Variants in HS3ST4 observed in about 807,000 individuals in gnomAD.
HS3ST4 encodes heparan sulfate glucosamine 3-O-sulfotransferase 4.
HS3ST4 carries 17 observed loss-of-function variants against 29.2 expected under a neutral mutation model. The observed-to-expected ratio is 0.58, with a 90% confidence interval of 0.40 to 0.87. The LOEUF is 0.87. Ranked by LOEUF, HS3ST4 falls within the 40% of genes least tolerant of loss-of-function variation. HS3ST4 has a pLI of 0.00. For missense variants in HS3ST4, 627 were observed against 634.5 expected, an observed-to-expected ratio of 0.99 and a Z score of 0.13; for synonymous variants, 314 against 285.7, an observed-to-expected ratio of 1.10 and a Z score of -1.00.
At chr16:25,930,465 C>G (rs1419915813) in intron 1 of HS3ST4, among the ~76,000 whole-genome samples, 1 of 152,228 alleles carries the variant, frequency 6.6e-6, no homozygotes, top group African/African-American at 2.4e-5. Flanking sequence ...TTTCTACTTC[C>G]TCTTTCTTTG....
intron 1 of HS3ST4, chr16:25,933,284 G>C (rs1025353494): frequency 4.3e-6 from 2 of 465,154 alleles, no homozygotes; most frequent in African/African-American, 2.0e-5. Flanking sequence ...CTGCCGAGAG[G>C]TTTCTGTTAG....
chr16:25,948,831 C>T (rs762508531), intron 1 of HS3ST4, among the ~76,000 whole-genome samples: 5 of 152,138 alleles, frequency 3.3e-5, no homozygotes, highest in East Asian at 1.9e-4. Flanking sequence ...ACGTGACCTC[C>T]GTGGCACTGT....
At chr16:25,782,714 G>A (rs1346421300) in intron 1 of HS3ST4, among the ~76,000 whole-genome samples, 3 of 152,098 alleles carry the variant, frequency 2.0e-5, no homozygotes, top group Non-Finnish European at 2.9e-5. Context: ...ATAATCTGAA[G>A]CAAGCAACTC....
intron 1 of HS3ST4, among the ~76,000 whole-genome samples, chr16:25,890,371 G>C (rs1273285320): frequency 2.0e-5 from 3 of 152,176 alleles, no homozygotes; most frequent in Non-Finnish European, 1.5e-5. Flanking sequence ...GGACCCAGAT[G>C]ACTTTACCTT....
intron 1 of HS3ST4, among the ~76,000 whole-genome samples, chr16:26,108,101 A>G (rs1899080600): frequency 6.6e-6 from 1 of 152,174 alleles, no homozygotes; most frequent in Non-Finnish European, 1.5e-5. Context: ...CACCACATGC[A>G]TGCCAACATC....
chr16:25,773,957 C>T (rs982337214), intron 1 of HS3ST4, among the ~76,000 whole-genome samples: 13 of 152,194 alleles, frequency 8.5e-5, no homozygotes, highest in Non-Finnish European at 1.8e-4. Context: ...ACCAAAGCAA[C>T]ATCACTAGAG....
At chr16:25,897,539 A>G (rs1968079848) in intron 1 of HS3ST4, among the ~76,000 whole-genome samples, 1 of 152,076 alleles carries the variant, frequency 6.6e-6, no homozygotes, top group Non-Finnish European at 1.5e-5. Flanking sequence ...CCCAGAGGGG[A>G]TCCTTTGCTG....
chr16:25,835,817 T>C (rs968081194), intron 1 of HS3ST4, among the ~76,000 whole-genome samples: 1 of 152,240 alleles, frequency 6.6e-6, no homozygotes, highest in Admixed American at 6.5e-5. Flanking sequence ...TGAGCCACAC[T>C]GTTTTGTTTT....
intron 1 of HS3ST4, among the ~76,000 whole-genome samples, chr16:26,104,279 C>G (rs1045416647): frequency 1.3e-5 from 2 of 152,182 alleles, no homozygotes; most frequent in Non-Finnish European, 2.9e-5. Flanking sequence ...AGCCCCCACT[C>G]CGTCAATTTA....
At chr16:26,027,543 CA>C (rs1393152434) in intron 1 of HS3ST4, among the ~76,000 whole-genome samples, 3 of 152,152 alleles carry the variant, frequency 2.0e-5, no homozygotes, top group Non-Finnish European at 4.4e-5. Flanking sequence ...TTTGCTTCTC[CA>C]AATTATGGTA....
intron 1 of HS3ST4, among the ~76,000 whole-genome samples, chr16:26,051,482 T>C (rs938383384): frequency 1.3e-5 from 2 of 152,128 alleles, no homozygotes; most frequent in Non-Finnish European, 2.9e-5. Flanking sequence ...GAACAGACCC[T>C]GAGTGGTCAA....
chr16:25,899,684 T>C (rs1968104004), intron 1 of HS3ST4, among the ~76,000 whole-genome samples: 1 of 151,546 alleles, frequency 6.6e-6, no homozygotes, highest in Non-Finnish European at 1.5e-5. Context: ...TTTTTTTTTT[T>C]GGTATTTTTA....
At chr16:26,132,627 C>T (rs556599049) in intron 1 of HS3ST4, among the ~76,000 whole-genome samples, 10 of 152,206 alleles carry the variant, frequency 6.6e-5, no homozygotes, top group East Asian at 1.9e-4. Flanking sequence ...CTTGACAGAT[C>T]GTCAATCAGC....
intron 1 of HS3ST4, among the ~76,000 whole-genome samples, chr16:25,800,504 T>C (rs534820709): frequency 5.5e-4 from 83 of 152,208 alleles, no homozygotes; most frequent in South Asian, 1.2e-3. Flanking sequence ...TCAAATACAA[T>C]ACATGGCAGT....
intron 1 of HS3ST4, among the ~76,000 whole-genome samples, chr16:25,771,640 A>G (rs1022995795): frequency 3.9e-5 from 6 of 152,156 alleles, no homozygotes; most frequent in Non-Finnish European, 5.9e-5. Flanking sequence ...CTTTGGTGTC[A>G]TAACTTGTGT....
chr16:25,954,900 A>G (rs2141698727), intron 1 of HS3ST4, among the ~76,000 whole-genome samples: 1 of 152,338 alleles, frequency 6.6e-6, no homozygotes, highest in South Asian at 2.1e-4. Context: ...CTTGGCAAAG[A>G]CAGAAGCCTG....
intron 1 of HS3ST4, among the ~76,000 whole-genome samples, chr16:25,796,825 A>AT (rs1241739551): frequency 1.3e-5 from 2 of 152,200 alleles, no homozygotes; most frequent in Non-Finnish European, 1.5e-5. Flanking sequence ...GGGGCGGGTT[A>AT]TTCAGAAATA....
chr16:25,738,742 G>T (rs1484314435), intron 1 of HS3ST4, among the ~76,000 whole-genome samples: 1 of 152,090 alleles, frequency 6.6e-6, no homozygotes, highest in Non-Finnish European at 1.5e-5. Flanking sequence ...AAGTGTCAGA[G>T]CACAGCCTAC....
intron 1 of HS3ST4, among the ~76,000 whole-genome samples, chr16:25,985,406 A>G (rs1174422750): frequency 2.6e-5 from 4 of 151,746 alleles, no homozygotes; most frequent in African/African-American, 4.9e-5. Context: ...GTGAAGTGGT[A>G]GGGTACAAAA....
Sources: allele counts gnomAD v4.1 joint callset (sites outside exome capture counted in the v4.1 genomes callset), GRCh38; gene constraint gnomAD v4.1.1; transcripts MANE v1.5; gene names NCBI Gene and HGNC (gene_info 2026-07-23, HGNC 2026-07-21).